Variants in FAM177A1 observed in about 807,000 individuals in gnomAD.
The protein encoded by FAM177A1 is protein FAM177A1.
FAM177A1 carries 22 observed loss-of-function variants against 26.1 expected under a neutral mutation model. That is an observed-to-expected ratio of 0.84 (90% CI 0.60 to 1.20). The LOEUF (loss-of-function observed/expected upper bound fraction) is 1.20. Among genes scored for constraint, FAM177A1 ranks in the 50% most tolerant of loss-of-function variants. The pLI is 0.00. For synonymous variants in FAM177A1, 95 were observed against 99.3 expected (o/e 0.96, Z 0.26); for missense variants, 296 against 291.1 (o/e 1.02, Z -0.12).
In FAM177A1 at chr14:35,081,109, C is replaced by G. The variant is rs775882117; in HGVS notation, c.592C>G (p.Gln198Glu). The change falls in exon 5 of 5, where the codon CAG becomes GAG. Residue 198 changes from glutamine (Q) to glutamate (E), a missense_variant. Gln to Glu is a conservative substitution (Grantham distance 29). Transcript: ENST00000280987. ...QNKLQTDSIVQTDQPETVISS... is the reference protein window; with the variant it reads ...QNKLQTDSIVETDQPETVISS... The stretch of plus-strand genomic sequence containing the variant: ...TAAATTGCAGACTGATTCCATTGTT[C>G]AGACAGATCAACCAGAGACAGTGAT... The G allele has an allele frequency of 1.2e-5, 19 of 1,613,578 alleles. No homozygotes were observed. Among genetic ancestry groups the G allele is most frequent in the Non-Finnish European group, 1.5e-5 (18 of 1,179,890 alleles).
intron 2 of FAM177A1, among the ~76,000 whole-genome samples, chr14:35,067,754 TA>T (rs2045261249): frequency 6.6e-6 from 1 of 152,234 alleles, no homozygotes; most frequent in Non-Finnish European, 1.5e-5. Flanking sequence ...ATTGTGATTT[TA>T]ATTTGCCTTT....
intron 2 of FAM177A1, among the ~76,000 whole-genome samples, 155 bp downstream of exon 2, chr14:35,053,606 T>C (rs2045012830): frequency 1.3e-5 from 2 of 152,226 alleles, no homozygotes; most frequent in South Asian, 4.1e-4. Flanking sequence ...AATAATATTT[T>C]TACATGATAT....
intron 1 of FAM177A1, among the ~76,000 whole-genome samples, chr14:35,051,555 T>C (rs2044971642): frequency 6.6e-6 from 1 of 152,046 alleles, no homozygotes; most frequent in African/African-American, 2.4e-5. Context: ...TGAAATTACA[T>C]ACGTGTACCA....
At chr14:35,045,185 G>A (rs2139049437), upstream of FAM177A1, 1 of 152,318 alleles carries the variant, frequency 6.6e-6, no homozygotes, top group East Asian at 1.9e-4. Flanking sequence ...ACCATACAGA[G>A]TCAGATCAGG....
chr14:35,076,122 G>T (rs2045391515), intron 2 of FAM177A1, among the ~76,000 whole-genome samples: 1 of 152,208 alleles, frequency 6.6e-6, no homozygotes, highest in Admixed American at 6.5e-5. Context: ...AAATCATGTT[G>T]CTATAAAGAC....
chr14:35,059,176 C>G (rs941765256), intron 2 of FAM177A1, among the ~76,000 whole-genome samples: 1 of 152,142 alleles, frequency 6.6e-6, no homozygotes, highest in South Asian at 2.1e-4. Context: ...CCACCTGCCT[C>G]GGCCTCCCAA....
rs181298653 is a variant in FAM177A1 at position 35,060,290 on chromosome 14, T to G, written c.339+6839T>G. Among the ~76,000 whole-genome samples, 41 of 152,354 alleles carry G rather than the reference T, an allele frequency of 2.7e-4. No homozygotes were observed. In the South Asian group the frequency reaches 4.1e-3, roughly 15 times the overall value. On this transcript the variant is annotated intron_variant, in intron 2 of 4. Coordinates refer to ENST00000280987, the MANE Select transcript of FAM177A1 (RefSeq NM_173607.5). The stretch of plus-strand genomic sequence containing the variant: ...GCGCCTGGCCAGTTTTTGTTTTGTT[T>G]TGTTTTTAATAATTTCTGTCTCTTT...
intron 1 of FAM177A1, chr14:35,047,196 G>C: frequency 5.4e-6 from 1 of 184,216 alleles, no homozygotes; most frequent in South Asian, 1.8e-4. Context: ...TTTTCCAGTA[G>C]GCACGTTTTA....
chr14:35,046,747 T>A, intron 1 of FAM177A1, 119 bp downstream of exon 1: 1 of 1,411,816 alleles, frequency 7.1e-7, no homozygotes. Context: ...GCTTTGGAGT[T>A]CCTCCTCACT....
At chr14:35,052,976 C>G (rs1236659903) in intron 1 of FAM177A1, among the ~76,000 whole-genome samples, 1 of 152,204 alleles carries the variant, frequency 6.6e-6, no homozygotes, top group Non-Finnish European at 1.5e-5. Context: ...AATCTTTTTA[C>G]TATCAGAAAT....
chr14:35,055,711 C>T (rs2045051754), intron 2 of FAM177A1, among the ~76,000 whole-genome samples: 1 of 152,148 alleles, frequency 6.6e-6, no homozygotes, highest in Admixed American at 6.6e-5. Context: ...AGCCACCACA[C>T]ACAGCCCTAA....
Position 35,079,034 on chromosome 14 carries a change from C to T in FAM177A1, c.504+10C>T. On this transcript the variant is annotated intron_variant, in intron 4 of 4. Transcript: ENST00000280987. ...TCGGATGAAGAAGGAGGTATGCCTC[C>T]TTTTTACATTTTCTTGATTCAGTTT... The T allele has an allele frequency of 6.5e-7, 1 of 1,548,594 alleles. No homozygotes were observed. The highest frequency in any genetic ancestry group is 8.6e-7 in the Non-Finnish European group (1 of 1,157,346).
chr14:35,079,975 A>C (rs2045454401), intron 4 of FAM177A1, among the ~76,000 whole-genome samples: 1 of 152,218 alleles, frequency 6.6e-6, no homozygotes, highest in African/African-American at 2.4e-5. Flanking sequence ...TTATGAACAA[A>C]TAAGTATTTC....
upstream of FAM177A1, chr14:35,046,223 A>ACCCGCCCCGCCCCGC (rs896418234): frequency 1.5e-5 from 5 of 328,080 alleles, no homozygotes; most frequent in African/African-American, 5.5e-5. Flanking sequence ...CCCCGCAAGG[A>ACCCGCCCCGCCCCGC]CCCGCCCCGC....
chr14:35,047,770 CA>C (rs2044894701), intron 1 of FAM177A1, among the ~76,000 whole-genome samples: 1 of 130,538 alleles, frequency 7.7e-6, no homozygotes, highest in Non-Finnish European at 1.7e-5. Context: ...ACAACAACAA[CA>C]ACAACAACAA....
At chr14:35,065,730 C>T (rs939243614) in intron 2 of FAM177A1, among the ~76,000 whole-genome samples, 11 of 138,664 alleles carry the variant, frequency 7.9e-5, no homozygotes, top group African/African-American at 1.9e-4. Context: ...GTCACCCTGT[C>T]GCTCAGGCTG....
At chr14:35,070,369 G>A (rs941707052) in intron 2 of FAM177A1, among the ~76,000 whole-genome samples, 6 of 149,626 alleles carry the variant, frequency 4.0e-5, no homozygotes, top group Admixed American at 6.8e-5. Flanking sequence ...TCGCTCTGTC[G>A]TCCAGGCTGG....
intron 2 of FAM177A1, among the ~76,000 whole-genome samples, chr14:35,071,964 C>A (rs532793045): frequency 6.6e-6 from 1 of 152,098 alleles, no homozygotes; most frequent in South Asian, 2.1e-4. Flanking sequence ...TCTATTCTTA[C>A]AATAAAGTAA....
chr14:35,079,378 G>A (rs1052231697), intron 4 of FAM177A1, among the ~76,000 whole-genome samples: 1 of 152,200 alleles, frequency 6.6e-6, no homozygotes, highest in Non-Finnish European at 1.5e-5. Context: ...TATAGGAAAA[G>A]TGGAGTGGGT....
Sources: allele counts gnomAD v4.1 joint callset (sites outside exome capture counted in the v4.1 genomes callset), GRCh38; gene constraint gnomAD v4.1.1; transcripts MANE v1.5; gene names NCBI Gene and HGNC (gene_info 2026-07-23, HGNC 2026-07-21).